Variants in GTF3C1 observed in about 807,000 individuals in gnomAD.
The protein encoded by GTF3C1 is general transcription factor IIIC subunit 1, also known as general transcription factor 3C polypeptide 1.
A neutral mutation model predicts 226.7 loss-of-function variants in GTF3C1; 57 were observed. The observed-to-expected ratio is 0.25, with a 90% CI of 0.20 to 0.31. The LOEUF is 0.31. GTF3C1 is among the 10% of genes least tolerant of loss of function. The probability of loss-of-function intolerance (pLI) is 1.00; values close to 1 mark genes in which losing one functional copy is unlikely to be tolerated. For missense variants in GTF3C1, 2,217 were observed against 2,776.1 expected (o/e 0.80, Z 4.53); for synonymous variants, 1,090 against 1,084.8 (o/e 1.00, Z -0.09).
chr16:27,509,198 C>G (rs1385810540), intron 7 of GTF3C1, among the ~76,000 whole-genome samples: 1 of 152,196 alleles, frequency 6.6e-6, no homozygotes, highest in African/African-American at 2.4e-5. Context: ...TATTCCTCAG[C>G]CCTGGAGTAA....
Position 27,464,731 on chromosome 16 carries a change from C to T in GTF3C1, c.5461G>A (p.Asp1821Asn), listed in dbSNP as rs1228824620. Residue 1821 changes from aspartate to asparagine, a missense_variant, in exon 34 of 37, where the codon GAC (aspartate) becomes AAC (asparagine). Around this residue, in one of 12 missense-constraint regions of GTF3C1, gnomAD observed 455 missense variants for 441.9 expected, o/e 1.03. Coordinates refer to ENST00000356183, the MANE Select transcript of GTF3C1 (RefSeq NM_001520.4). ...CTCTGGATGTCGGCGTCTTCTCTGT[C>T]TTTCAGCCGCACGGAGTGCAGGAGC... is the stretch of plus-strand genomic sequence containing the variant. ...PWLLHSVRLK[D>N]REDADIQRED... The T allele has an allele frequency of 1.9e-6, 3 of 1,594,710 alleles. No homozygotes were observed. Among genetic ancestry groups the T allele is most frequent in the Non-Finnish European group, 1.7e-6 (2 of 1,178,016 alleles).
At position 27,492,751 on chromosome 16, in the gene GTF3C1, A is replaced by G. The variant is rs1183082937; in HGVS notation, c.2877-38T>C. 8.9e-7 allele frequency: 1 copy of G among 1,129,110 alleles called. No individual in the cohort carries two copies. Among genetic ancestry groups the G allele is most frequent in the African/African-American group, 1.5e-5 (1 of 65,748 alleles). 69.9% of individuals were successfully genotyped at this position (1,129,110 alleles called of 1,614,324 possible). On this transcript the variant is annotated intron_variant, in intron 17 of 36. Transcript: ENST00000356183. The surrounding 1 kb of genome is among the most constrained non-coding windows in gnomAD (Gnocchi z 5.0). ...GGGGGCGGGAGGTTCTCATCACACC[A>G]CACTCGCAGCCGGCCGCAGGGGTCT... is the stretch of plus-strand genomic sequence containing the variant.
At position 27,469,532 on chromosome 16, in the gene GTF3C1, G is replaced by C. The variant is rs1350178571; in HGVS notation, c.4833C>G (p.Ser1611Arg). ...EVIKSLGKDG[S>R]LEDDEDEEDD... ...CCTCTTCATCCTCGTCATCCTCCAG[G>C]CTGCCGTCCTTCCCCAAGCTAGAAG... Residue 1611 changes from serine (S) to arginine (R), a missense_variant, in exon 32 of 37, where the codon AGC becomes AGG. Around this residue, in one of 12 missense-constraint regions of GTF3C1, gnomAD observed 546 missense variants for 663.0 expected, o/e 0.82. Coordinates refer to ENST00000356183, the MANE Select transcript of GTF3C1 (RefSeq NM_001520.4). This position sits in a 1 kb window ranked among gnomAD's most constrained non-coding sequence, Gnocchi z 4.5. 3 of 1,611,436 alleles carry C rather than the reference G, an allele frequency of 1.9e-6. No individual in the cohort carries two copies. Among genetic ancestry groups the C allele is most frequent in the Middle Eastern group, 1.7e-4 (1 of 6,050 alleles).
Position 27,463,708 on chromosome 16 carries a change from A to C in GTF3C1, c.5873-116T>G, listed in dbSNP as rs796787836. The C allele has an allele frequency of 4.3e-5, 32 of 745,514 alleles. No individual in the cohort carries two copies. The highest frequency in any genetic ancestry group is 4.6e-4 in the Middle Eastern group (2 of 4,332). 46.2% of individuals were successfully genotyped at this position (745,514 alleles called of 1,614,324 possible). The stretch of plus-strand genomic sequence containing the variant: ...AGGGCACCTCGAGGCTCAGGGGATG[A>C]AGTGTCAAAAAAAAAGGACAATGAG... On this transcript the variant is annotated intron_variant, in intron 34 of 36. Transcript: ENST00000356183. This position sits in a 1 kb window ranked among gnomAD's most constrained non-coding sequence, Gnocchi z 4.9.
intron 1 of GTF3C1, among the ~76,000 whole-genome samples, chr16:27,546,435 T>C (rs1240348216): frequency 6.6e-6 from 1 of 151,178 alleles, no homozygotes; most frequent in Admixed American, 6.6e-5. Flanking sequence ...ACATTTTTCA[T>C]TTGTGCTTCT....
intron 6 of GTF3C1, 112 bp from the exon 7 acceptor site, chr16:27,512,013 A>G: frequency 8.4e-7 from 1 of 1,195,950 alleles, no homozygotes; most frequent in East Asian, 2.4e-5. Flanking sequence ...AGATCCCCAC[A>G]AAGGTCACAC....
At position 27,492,599 on chromosome 16, in the gene GTF3C1, G is replaced by C; in HGVS notation, c.2973+18C>G. The C allele has an allele frequency of 6.4e-7, 1 of 1,559,288 alleles. No homozygotes were observed. The highest frequency in any genetic ancestry group is 8.8e-7 in the Non-Finnish European group (1 of 1,129,994). On this transcript the variant is annotated intron_variant, in intron 18 of 36. Coordinates refer to ENST00000356183, the MANE Select transcript of GTF3C1 (RefSeq NM_001520.4). This position sits in a 1 kb window ranked among gnomAD's most constrained non-coding sequence, Gnocchi z 5.0. Reference sequence around the variant, plus strand: ...TTAACAATCAGAATTTCCTTCGTTTGGGCTTGAGGGACATTACCTGATCTT... The same window carrying C: ...TTAACAATCAGAATTTCCTTCGTTTCGGCTTGAGGGACATTACCTGATCTT...
At chr16:27,488,999 AG>A in intron 21 of GTF3C1, 43 bp downstream of exon 21, 1 of 1,585,448 alleles carries the variant, frequency 6.3e-7, no homozygotes, top group Non-Finnish European at 8.7e-7. Flanking sequence ...GAGGGTGAGT[AG>A]CGAGGACCCC....
chr16:27,513,680 C>T (rs979646848), intron 6 of GTF3C1, among the ~76,000 whole-genome samples: 2 of 152,132 alleles, frequency 1.3e-5, no homozygotes, highest in Non-Finnish European at 2.9e-5. Context: ...TTTACCCCAG[C>T]GAAAGCCATT....
At chr16:27,541,403 G>A (rs1018618997) in intron 2 of GTF3C1, among the ~76,000 whole-genome samples, 1 of 152,222 alleles carries the variant, frequency 6.6e-6, no homozygotes, top group Non-Finnish European at 1.5e-5. Flanking sequence ...ACATGGGTCA[G>A]GGGTTACAAC....
rs745602183 is a variant in GTF3C1 at position 27,538,269 on chromosome 16, C to T, written c.519G>A (p.Leu173=). ...CCAGGATGCAGTAGGAGAAGTCGGG[C>T]AGCTTCAGGTCGGGATCCCCCTCCT... ...IGQEGDPDLK[L]PDFSYCILER... The change falls in exon 3 of 37, where the codon CTG becomes CTA. Residue 173 remains leucine, a synonymous_variant. Coordinates refer to ENST00000356183, the MANE Select transcript of GTF3C1 (RefSeq NM_001520.4). 11 of 1,610,714 alleles carry T rather than the reference C, an allele frequency of 6.8e-6. No homozygotes were observed. In the South Asian group the frequency reaches 1.2e-4, roughly 18 times the overall value.
rs148970158 is a variant in GTF3C1, at chr16:27,483,113, G to A, written c.4014C>T (p.Ala1338=). ...CAAGTGCTTTATCCTGGTACACCTC[G>A]GCCAGGCACACTCTGCAGGAAGAGG... The part of the protein sequence containing the change: ...QAYLNYKVCL[A]EVYQDKALVG... The change falls in exon 26 of 37, where the codon GCC becomes GCT. Residue 1338 remains alanine (A), a synonymous_variant. Coordinates refer to ENST00000356183, the MANE Select transcript of GTF3C1 (RefSeq NM_001520.4). 1.2e-4 allele frequency: 200 copies of A among 1,613,940 alleles called. No individual in the cohort carries two copies. The highest frequency in any genetic ancestry group is 1.5e-4 in the Non-Finnish European group (179 of 1,179,966).
At position 27,471,526 on chromosome 16, in the gene GTF3C1, TG is replaced by T; in HGVS notation, c.4526+221del. On this transcript the variant is annotated intron_variant, in intron 30 of 36. Coordinates refer to ENST00000356183, the MANE Select transcript of GTF3C1 (RefSeq NM_001520.4). This position sits in a 1 kb window ranked among gnomAD's most constrained non-coding sequence, Gnocchi z 5.0. The stretch of plus-strand genomic sequence containing the variant: ...AAACGGAAACAAACCACCTGCAAAA[TG>T]GTAACGCCGCCAACACAAAGAAGCT... The T allele has an allele frequency of 2.0e-6, 1 of 505,632 alleles. No individual in the cohort carries two copies. The highest frequency in any genetic ancestry group is 3.5e-6 in the Non-Finnish European group (1 of 283,304). 31.3% of individuals were successfully genotyped at this position (505,632 alleles called of 1,614,324 possible).
chr16:27,483,339 G>C lies in GTF3C1; in HGVS notation c.4002-214C>G, dbSNP rs886251706. On this transcript the variant is annotated intron_variant, in intron 25 of 36. Coordinates refer to ENST00000356183, the MANE Select transcript of GTF3C1 (RefSeq NM_001520.4). ...CAGGTCTGTTCACACTTTACACCTTGGCTTCTCTGAACTTCCGTCCTTCAT... is the reference window on the plus strand; with the variant it reads ...CAGGTCTGTTCACACTTTACACCTTCGCTTCTCTGAACTTCCGTCCTTCAT... 8.6e-5 allele frequency: 57 copies of C among 663,856 alleles called. No individual in the cohort carries two copies. The African/African-American group carries it at 9.9e-4, about 12-fold the overall frequency. The allele number at this position is 663,856 out of a possible 1,614,324, so 41.1% of individuals were successfully genotyped here.
intron 20 of GTF3C1, 101 bp downstream of exon 20, chr16:27,489,501 G>A (rs995819038): frequency 2.4e-5 from 22 of 905,876 alleles, no homozygotes; most frequent in Admixed American, 1.4e-4. Flanking sequence ...GACACAGGCC[G>A]TCTGGCCTGA....
Position 27,486,013 on chromosome 16 carries a change from T to C in GTF3C1, c.3842A>G (p.Asn1281Ser). Residue 1281 changes from asparagine (N) to serine (S), a missense_variant, in exon 24 of 37, where the codon AAT becomes AGT. Around this residue, in one of 12 missense-constraint regions of GTF3C1, gnomAD observed 546 missense variants for 663.0 expected, o/e 0.82. Transcript: ENST00000356183. Reference protein sequence around the residue: ...GLLVLCRIASNVLNTKVKGPF... With the variant: ...GLLVLCRIASSVLNTKVKGPF... The stretch of plus-strand genomic sequence containing the variant: ...GGTTGGTACCTTGGTGTTGAGGACA[T>C]TGCTGGCAATGCGGCACAGCACAAG... 1 of 1,609,900 alleles carries C rather than the reference T, an allele frequency of 6.2e-7. No homozygotes were observed.
At chr16:27,495,075 G>T in intron 15 of GTF3C1, 136 bp downstream of exon 15, 1 of 860,790 alleles carries the variant, frequency 1.2e-6, no homozygotes, top group Non-Finnish European at 1.8e-6. Context: ...GCAGGTTCAG[G>T]AAGTGTGGAT....
chr16:27,534,090 G>C (rs1255640410), intron 4 of GTF3C1, among the ~76,000 whole-genome samples: 3 of 152,184 alleles, frequency 2.0e-5, no homozygotes, highest in Non-Finnish European at 4.4e-5. Context: ...GTTCAGGCTG[G>C]AGACACAAAC....
chr16:27,488,110 GA>G (rs2088170793), intron 23 of GTF3C1, 116 bp downstream of exon 23: 1 of 813,896 alleles, frequency 1.2e-6, no homozygotes, highest in Non-Finnish European at 2.0e-6. Flanking sequence ...CACATCGAGG[GA>G]AGGCGGAAAC....
Sources: allele counts gnomAD v4.1 joint callset (sites outside exome capture counted in the v4.1 genomes callset), GRCh38; gene constraint gnomAD v4.1.1; regional missense constraint gnomAD v4.1.1; non-coding constraint Gnocchi (gnomAD v3.1); transcripts MANE v1.5; gene names NCBI Gene and HGNC (gene_info 2026-07-23, HGNC 2026-07-21).